SYCP1: variants seen among roughly 807,000 people sequenced by gnomAD.
The protein encoded by SYCP1 is synaptonemal complex protein 1.
SYCP1 carries 64 observed loss-of-function variants against 153.1 expected under a neutral mutation model. The observed-to-expected ratio is 0.42, with a 90% CI of 0.34 to 0.51. The LOEUF (loss-of-function observed/expected upper bound fraction) is 0.51. Among genes scored for constraint, SYCP1 ranks in the 20% least tolerant of loss-of-function variants. The pLI is 0.06. For missense variants in SYCP1, 997 were observed against 1,049.0 expected (o/e 0.95, Z 0.68); for synonymous variants, 384 against 341.8 (o/e 1.12, Z -1.36).
intron 27 of SYCP1, among the ~76,000 whole-genome samples, chr1:114,975,635 G>A (rs1264556101): frequency 1.3e-5 from 2 of 151,478 alleles, no homozygotes; most frequent in Non-Finnish European, 3.0e-5. Context: ...CAGTCAATAT[G>A]ACAATCCCCA....
Position 114,946,279 on chromosome 1 carries a change from T to C in SYCP1, c.2155-10T>C. ...TAATATATCTAAAATGTCTTCTTTG[T>C]TTAATATAGCACCAATATGATAAGA... On this transcript the variant is annotated splice_polypyrimidine_tract_variant and intron_variant, in intron 25 of 31. Coordinates refer to ENST00000369522, the MANE Select transcript of SYCP1 (RefSeq NM_003176.4). 6.7e-7 allele frequency: 1 copy of C among 1,500,698 alleles called. No individual in the cohort carries two copies. Among genetic ancestry groups the C allele is most frequent in the Non-Finnish European group, 9.0e-7 (1 of 1,114,296 alleles). The allele number at this position is 1,500,698 out of a possible 1,614,324, so 93.0% of individuals were successfully genotyped here.
At chr1:114,962,897 GA>G (rs1181339620) in intron 27 of SYCP1, among the ~76,000 whole-genome samples, 1 of 152,078 alleles carries the variant, frequency 6.6e-6, no homozygotes, top group Non-Finnish European at 1.5e-5. Context: ...TTGTTTGTCT[GA>G]AAAAGACTTT....
intron 15 of SYCP1, 121 bp from the exon 16 acceptor site, chr1:114,895,327 T>G (rs1666985850): frequency 2.0e-6 from 1 of 494,912 alleles, no homozygotes. Flanking sequence ...TTTACATTGC[T>G]CTAGTTGCAT....
Position 114,876,096 on chromosome 1 carries a change from C to T in SYCP1, c.685C>T (p.Arg229Cys). 6.3e-7 allele frequency: 1 copy of T among 1,581,668 alleles called. No homozygotes were observed. The highest frequency in any genetic ancestry group is 8.6e-7 in the Non-Finnish European group (1 of 1,162,136). ...AATGATAACAGCTTTTGAGGAACTT[C>T]GTGTGCAAGCTGAGAATTCCAGACT... ...EKMITAFEEL[R>C]VQAENSRLEM... is the part of the protein sequence containing the mutation. Residue 229 changes from arginine to cysteine, a missense_variant, in exon 10 of 32, where the codon CGT (arginine) becomes TGT (cysteine). By Grantham distance (180) the Arg-to-Cys change is radical (BLOSUM62 -3). Coordinates refer to ENST00000369522, the MANE Select transcript of SYCP1 (RefSeq NM_003176.4).
At chr1:114,941,273 T>C (rs182123605) in intron 23 of SYCP1, among the ~76,000 whole-genome samples, 95 of 152,320 alleles carry the variant, frequency 6.2e-4, no homozygotes, top group African/African-American at 2.2e-3. Context: ...ATACTTAATA[T>C]GTATTTTACA....
chr1:114,917,844 C>T (rs1164620527), intron 20 of SYCP1, among the ~76,000 whole-genome samples: 2 of 151,822 alleles, frequency 1.3e-5, no homozygotes, highest in Admixed American at 1.3e-4. Context: ...TAGACTTATT[C>T]CCATAGAGTT....
In SYCP1 at chr1:114,913,103, A is replaced by G. The variant is rs1668290262; in HGVS notation, c.1600A>G (p.Thr534Ala). ...AGAAAACAAAGAGCTCACACAGGAA[A>G]CAAGTGATATGACCCTAGAACTCAA... is the stretch of plus-strand genomic sequence containing the variant. ...SLENKELTQE[T>A]SDMTLELKNQ... The change falls in exon 19 of 32, where the codon ACA (threonine) becomes GCA (alanine). Residue 534 changes from threonine (T) to alanine (A), a missense_variant. Around this residue, in one of 2 missense-constraint regions of SYCP1, gnomAD observed 712 missense variants for 682.9 expected, o/e 1.04. Coordinates refer to ENST00000369522, the MANE Select transcript of SYCP1 (RefSeq NM_003176.4). 2 of 1,612,752 alleles carry G rather than the reference A, an allele frequency of 1.2e-6. No individual in the cohort carries two copies. Among genetic ancestry groups the G allele is most frequent in the East Asian group, 2.2e-5 (1 of 44,748 alleles).
intron 29 of SYCP1, among the ~76,000 whole-genome samples, chr1:114,984,193 C>G (rs745515702): frequency 5.3e-5 from 8 of 152,092 alleles, no homozygotes; most frequent in African/African-American, 1.9e-4. Flanking sequence ...GCATAAGCCA[C>G]TGTACTTGGC....
chr1:114,917,580 G>A (rs959475813), intron 20 of SYCP1, among the ~76,000 whole-genome samples: 1 of 152,042 alleles, frequency 6.6e-6, no homozygotes, highest in African/African-American at 2.4e-5. Context: ...GTGGTTGTAC[G>A]AATTTACATT....
In SYCP1 at chr1:114,994,723, T is replaced by G. The variant is rs1674160388; in HGVS notation, c.2729T>G (p.Leu910Trp). The G allele has an allele frequency of 6.4e-7, 1 of 1,572,856 alleles. No individual in the cohort carries two copies. The highest frequency in any genetic ancestry group is 8.6e-7 in the Non-Finnish European group (1 of 1,166,336). Residue 910 changes from leucine (L) to tryptophan (W), a missense_variant, in exon 31 of 32, where the codon TTG (leucine) becomes TGG (tryptophan). This residue lies in a region of SYCP1 where 712 missense variants were observed against 682.9 expected (regional missense o/e 1.04). Coordinates refer to ENST00000369522, the MANE Select transcript of SYCP1 (RefSeq NM_003176.4). Reference protein sequence around the residue: ...LLSMVSEEETLKTLYRNNNPP... With the variant: ...LLSMVSEEETWKTLYRNNNPP... ...AGCATGGTTTCAGAAGAAGAGACAT[T>G]GAAAACACTGTATAGGAACAATAAT...
chr1:114,877,923 G>T (rs1665652716), intron 11 of SYCP1, among the ~76,000 whole-genome samples, 171 bp from the exon 12 acceptor site: 1 of 152,142 alleles, frequency 6.6e-6, no homozygotes. Flanking sequence ...AGATAATAGG[G>T]CCAGTTCTCT....
chr1:114,917,999 CTT>C (rs1668621822), intron 20 of SYCP1, among the ~76,000 whole-genome samples: 1 of 151,216 alleles, frequency 6.6e-6, no homozygotes, highest in African/African-American at 2.4e-5. Context: ...TGTGATCTGA[CTT>C]ATCTATTTTT....
chr1:114,982,979 C>T (rs534917417), intron 29 of SYCP1, among the ~76,000 whole-genome samples: 23 of 152,098 alleles, frequency 1.5e-4, no homozygotes, highest in African/African-American at 5.3e-4. Flanking sequence ...CCTTGATTAG[C>T]TTAGTTTTTA....
At chr1:114,869,778 A>G (rs754987676) in intron 8 of SYCP1, among the ~76,000 whole-genome samples, 20 of 152,302 alleles carry the variant, frequency 1.3e-4, no homozygotes, top group Non-Finnish European at 2.8e-4. Flanking sequence ...CCTGGTCCCA[A>G]ACATTTTGGA....
intron 23 of SYCP1, among the ~76,000 whole-genome samples, chr1:114,930,093 A>G (rs753768465): frequency 8.5e-5 from 13 of 152,088 alleles, no homozygotes; most frequent in Non-Finnish European, 1.6e-4. Flanking sequence ...TAAATAATTC[A>G]TGGGCCAAAG....
At chr1:114,988,535 A>G (rs1331689773) in intron 30 of SYCP1, among the ~76,000 whole-genome samples, 2 of 152,040 alleles carry the variant, frequency 1.3e-5, no homozygotes, top group Non-Finnish European at 2.9e-5. Context: ...GACCAAAATT[A>G]TCAACTGAGA....
chr1:114,939,123 C>T (rs1670228083), intron 23 of SYCP1, among the ~76,000 whole-genome samples: 1 of 152,162 alleles, frequency 6.6e-6, no homozygotes. Flanking sequence ...TTCATAGCAA[C>T]ATTATTCACA....
In SYCP1 at chr1:114,946,400, T is replaced by C; in HGVS notation, c.2247+19T>C. The C allele has an allele frequency of 3.3e-6, 5 of 1,503,666 alleles. No homozygotes were observed. Among genetic ancestry groups the C allele is most frequent in the Non-Finnish European group, 4.5e-6 (5 of 1,104,792 alleles). 93.1% of individuals were successfully genotyped at this position (1,503,666 alleles called of 1,614,324 possible). A position where few individuals can be genotyped will look rare whatever the true frequency, so the allele number is the denominator to read the frequency against. ...ATCTTTGGTGAGATACAGAAAAAAT[T>C]GCAGTAACGGCCAGTTTTCATAATG... On this transcript the variant is annotated intron_variant, in intron 26 of 31. Transcript: ENST00000369522.
intron 20 of SYCP1, among the ~76,000 whole-genome samples, chr1:114,919,648 A>T (rs1398058714): frequency 6.6e-6 from 1 of 152,008 alleles, no homozygotes; most frequent in Non-Finnish European, 1.5e-5. Context: ...CTTTGCTGGA[A>T]GACTTTTTAT....
Sources: gnomAD v4.1 joint callset for allele counts (sites outside exome capture counted in the v4.1 genomes callset) on GRCh38, gnomAD v4.1.1 for gene constraint, gnomAD v4.1.1 regional missense constraint, MANE v1.5 for transcripts, NCBI Gene and HGNC (gene_info 2026-07-23, HGNC 2026-07-21) for gene names.